Variants in NPAS3 observed in about 807,000 individuals in gnomAD.
NPAS3 encodes neuronal PAS domain-containing protein 3.
NPAS3 carries 14 observed loss-of-function variants against 73.1 expected under a neutral mutation model. The observed-to-expected ratio is 0.19, with a 90% CI of 0.13 to 0.30. NPAS3 has a LOEUF of 0.30. Ranked by LOEUF, NPAS3 falls within the 10% of genes least tolerant of loss-of-function variation. NPAS3 has a pLI of 1.00. For missense variants in NPAS3, 1,096 were observed against 1,250.0 expected (o/e 0.88, Z 1.86); for synonymous variants, 620 against 541.5 (o/e 1.14, Z -2.01).
At chr14:33,425,978 C>T (rs886823824) in intron 4 of NPAS3, among the ~76,000 whole-genome samples, 1 of 152,062 alleles carries the variant, frequency 6.6e-6, no homozygotes, top group Non-Finnish European at 1.5e-5. Context: ...ATTGTTCAAA[C>T]TTGAGAACCA....
At chr14:33,157,244 A>G (rs1401701679) in intron 2 of NPAS3, among the ~76,000 whole-genome samples, 1 of 152,224 alleles carries the variant, frequency 6.6e-6, no homozygotes, top group Non-Finnish European at 1.5e-5. Context: ...GGTTCAAATT[A>G]TCTTTGACAT....
chr14:33,235,022 A>G (rs1004111995), intron 3 of NPAS3, among the ~76,000 whole-genome samples: 10 of 152,172 alleles, frequency 6.6e-5, no homozygotes, highest in African/African-American at 2.4e-4. Context: ...CCAGATACCG[A>G]AAGTCATTCA....
At chr14:33,577,901 T>C (rs1054182892) in intron 5 of NPAS3, among the ~76,000 whole-genome samples, 1 of 152,110 alleles carries the variant, frequency 6.6e-6, no homozygotes, top group African/African-American at 2.4e-5. Flanking sequence ...ATAAGGGGGA[T>C]TGGCTAACGA....
chr14:33,495,615 A>G (rs1302161268), intron 4 of NPAS3, among the ~76,000 whole-genome samples: 1 of 151,982 alleles, frequency 6.6e-6, no homozygotes, highest in Non-Finnish European at 1.5e-5. Context: ...TCTAAGTCTC[A>G]TTGTAGGTCT....
At chr14:33,471,044 A>G (rs1040869155) in intron 4 of NPAS3, among the ~76,000 whole-genome samples, 1 of 152,110 alleles carries the variant, frequency 6.6e-6, no homozygotes, top group Admixed American at 6.5e-5. Context: ...GCACGTAGCC[A>G]GTTATACGCT....
intron 1 of NPAS3, among the ~76,000 whole-genome samples, chr14:32,977,865 C>T (rs568971897): frequency 1.5e-3 from 233 of 152,282 alleles, no homozygotes; most frequent in African/African-American, 5.4e-3. Flanking sequence ...TAAAAATCAT[C>T]TTTTAATGCT....
chr14:33,578,142 T>A (rs1041944243), intron 5 of NPAS3: 3 of 456,066 alleles, frequency 6.6e-6, no homozygotes, highest in Non-Finnish European at 1.3e-5. Flanking sequence ...AAACCTACTC[T>A]TACTTTGCCT....
chr14:32,959,134 T>G (rs537947114), intron 1 of NPAS3, among the ~76,000 whole-genome samples: 1 of 152,312 alleles, frequency 6.6e-6, no homozygotes, highest in African/African-American at 2.4e-5. Flanking sequence ...CCAGTGAAAT[T>G]TGTCCTTTTT....
intron 2 of NPAS3, among the ~76,000 whole-genome samples, chr14:33,111,033 T>G (rs2042874217): frequency 6.6e-6 from 1 of 152,134 alleles, no homozygotes; most frequent in Admixed American, 6.5e-5. Context: ...GAAGAGCGAC[T>G]TTGGCCAGTT....
intron 3 of NPAS3, among the ~76,000 whole-genome samples, chr14:33,327,371 G>A (rs1267576279): frequency 1.3e-5 from 2 of 152,198 alleles, no homozygotes; most frequent in African/African-American, 4.8e-5. Context: ...TCTATACGAG[G>A]AAACTGAGCC....
intron 1 of NPAS3, among the ~76,000 whole-genome samples, chr14:32,945,261 CAG>C (rs1335677304): frequency 2.0e-5 from 3 of 151,728 alleles, no homozygotes; most frequent in Non-Finnish European, 2.9e-5. Context: ...TCCTGGAGGA[CAG>C]AGAGAGAAAA....
At chr14:33,197,909 A>G (rs997885467) in intron 2 of NPAS3, among the ~76,000 whole-genome samples, 1 of 152,214 alleles carries the variant, frequency 6.6e-6, no homozygotes, top group Non-Finnish European at 1.5e-5. Flanking sequence ...CAGTTCTTAA[A>G]GATGGTGTGT....
At chr14:33,781,977 C>T (rs1194167199) in intron 9 of NPAS3, among the ~76,000 whole-genome samples, 2 of 152,172 alleles carry the variant, frequency 1.3e-5, no homozygotes, top group Non-Finnish European at 2.9e-5. Flanking sequence ...CATGAGATGA[C>T]TGATAGTTCA....
chr14:33,519,232 T>C (rs1029410425), intron 4 of NPAS3, among the ~76,000 whole-genome samples: 3 of 152,172 alleles, frequency 2.0e-5, no homozygotes, highest in African/African-American at 7.2e-5. Flanking sequence ...CGAGTTTCCC[T>C]TTTGATCCTT....
chr14:32,981,719 G>A, intron 1 of NPAS3, among the ~76,000 whole-genome samples: 1 of 152,146 alleles, frequency 6.6e-6, no homozygotes, highest in East Asian at 1.9e-4. Flanking sequence ...TCTTACGGCA[G>A]CACAAGTCCT....
At chr14:33,411,533 G>A (rs1325006894) in intron 4 of NPAS3, among the ~76,000 whole-genome samples, 2 of 152,270 alleles carry the variant, frequency 1.3e-5, no homozygotes, top group Non-Finnish European at 2.9e-5. Context: ...GAATCTAGGG[G>A]ATAGAAGCCA....
intron 6 of NPAS3, among the ~76,000 whole-genome samples, chr14:33,692,863 A>T (rs2060271774): frequency 1.2e-5 from 1 of 80,096 alleles, no homozygotes; most frequent in Non-Finnish European, 2.5e-5. Context: ...AAAAAAAAAA[A>T]GCCTTGAGTT....
chr14:33,767,472 T>C (rs908715584), intron 7 of NPAS3, among the ~76,000 whole-genome samples: 1 of 151,686 alleles, frequency 6.6e-6, no homozygotes, highest in Non-Finnish European at 1.5e-5. Flanking sequence ...ACCAGACTTC[T>C]ACAGAGGAAA....
At chr14:33,711,653 T>A (rs1187944846) in intron 6 of NPAS3, among the ~76,000 whole-genome samples, 1 of 152,236 alleles carries the variant, frequency 6.6e-6, no homozygotes, top group Non-Finnish European at 1.5e-5. Flanking sequence ...AAAGAAATCC[T>A]ACTTTTCTTC....
Sources: allele counts gnomAD v4.1 joint callset (sites outside exome capture counted in the v4.1 genomes callset), GRCh38; gene constraint gnomAD v4.1.1; transcripts MANE v1.5; gene names NCBI Gene and HGNC (gene_info 2026-07-23, HGNC 2026-07-21).